The following NXPH1 variants were observed in gnomAD, a reference collection of about 807,000 sequenced individuals.
The protein encoded by NXPH1 is neurexophilin-1.
NXPH1 carries 5 observed loss-of-function variants against 23.7 expected under a neutral mutation model. That is an observed-to-expected ratio of 0.21 (90% CI 0.11 to 0.44). The LOEUF (loss-of-function observed/expected upper bound fraction) is 0.44. Among genes scored for constraint, NXPH1 ranks in the 20% least tolerant of loss-of-function variants. The probability of loss-of-function intolerance (pLI) is 0.99; values close to 1 mark genes in which losing one functional copy is unlikely to be tolerated. For missense variants in NXPH1, 324 were observed against 321.6 expected, an observed-to-expected ratio of 1.01 and a Z score of -0.06; for synonymous variants, 144 against 122.2, an observed-to-expected ratio of 1.18 and a Z score of -1.18.
At chr7:8,745,597 G>C (rs2115231523) in intron 2 of NXPH1, among the ~76,000 whole-genome samples, 1 of 152,238 alleles carries the variant, frequency 6.6e-6, no homozygotes, top group South Asian at 2.1e-4. Flanking sequence ...TCTGTCGCCA[G>C]GCTGGAGTGC....
At chr7:8,733,687 A>G (rs1388262539) in intron 2 of NXPH1, among the ~76,000 whole-genome samples, 1 of 152,008 alleles carries the variant, frequency 6.6e-6, no homozygotes, top group East Asian at 1.9e-4. Flanking sequence ...TTCTTTCGAG[A>G]AGTGTCTGTT....
In NXPH1 at chr7:8,710,640, G is replaced by GTTTTTTTTTTTTTTTTT. The variant is rs1368543367; in HGVS notation, c.55-40362_55-40361insTTTTTTTTTTTTTTTTT. Among the ~76,000 whole-genome samples, 2 of 27,672 alleles carry GTTTTTTTTTTTTTTTTT rather than the reference G, an allele frequency of 7.2e-5. 1 individual carries two copies. The highest frequency in any genetic ancestry group is 1.2e-4 in the Non-Finnish European group (2 of 16,372). The allele number at this position is 27,672 out of a possible 152,430, so 18.2% of individuals were successfully genotyped here. ...TTGAACAAAGCATGTCAACTGTTAC[G>GTTTTTTTTTTTTTTTTT]TTTTTTGTTTTTTTTTTTTTTTTTT... On this transcript the variant is annotated intron_variant, in intron 2 of 2. Transcript: ENST00000405863.
At chr7:8,580,574 T>C (rs1346661824) in intron 2 of NXPH1, among the ~76,000 whole-genome samples, 1 of 152,110 alleles carries the variant, frequency 6.6e-6, no homozygotes, top group African/African-American at 2.4e-5. Flanking sequence ...TATTTTTGAA[T>C]GTTTCAATGT....
Position 8,594,290 on chromosome 7 carries a change from T to G in NXPH1, c.55-156718T>G, listed in dbSNP as rs571357316. On this transcript the variant is annotated intron_variant, in intron 2 of 2. Transcript: ENST00000405863. Reference sequence around the variant, plus strand: ...AGAGGAAGTGTTTTGATATTTACCTTGGGTAGAAACATGAAAGGGCCGTTT... The same window carrying G: ...AGAGGAAGTGTTTTGATATTTACCTGGGGTAGAAACATGAAAGGGCCGTTT... Among the ~76,000 whole-genome samples, 442 of 152,196 alleles carry G rather than the reference T, an allele frequency of 2.9e-3. 3 individuals are homozygous for G. Among genetic ancestry groups the G allele is most frequent in the African/African-American group, 0.01 (429 of 41,550 alleles).
intron 2 of NXPH1, among the ~76,000 whole-genome samples, chr7:8,558,305 A>C (rs1475396662): frequency 6.6e-6 from 1 of 151,032 alleles, no homozygotes; most frequent in Admixed American, 6.6e-5. Flanking sequence ...GGAGGTGGGA[A>C]CTCCTGTGCA....
intron 2 of NXPH1, among the ~76,000 whole-genome samples, chr7:8,499,585 G>T (rs1237211630): frequency 6.6e-6 from 1 of 152,106 alleles, no homozygotes; most frequent in Non-Finnish European, 1.5e-5. Context: ...AAGTAAGTGA[G>T]TGTATGCAGC....
intron 2 of NXPH1, among the ~76,000 whole-genome samples, chr7:8,730,199 C>T (rs1230218658): frequency 2.7e-5 from 4 of 149,290 alleles, no homozygotes; most frequent in African/African-American, 9.9e-5. Context: ...CTTGGTAGAT[C>T]TGCCTCCATC....
chr7:8,703,581 G>A (rs924987538), intron 2 of NXPH1, among the ~76,000 whole-genome samples: 52 of 151,934 alleles, frequency 3.4e-4, no homozygotes, highest in African/African-American at 9.4e-4. Context: ...ATGCAGTGGC[G>A]CTCAATTAAA....
chr7:8,718,199 A>G (rs971290267), intron 2 of NXPH1, among the ~76,000 whole-genome samples: 2 of 152,166 alleles, frequency 1.3e-5, no homozygotes, highest in Admixed American at 1.3e-4. Context: ...AACATATTAT[A>G]TGTAAAGCAG....
rs1359447269 is a variant in NXPH1 at position 8,715,999 on chromosome 7, A to C, written c.55-35009A>C. 1.3e-5 allele frequency among the ~76,000 whole-genome samples: 2 copies of C among 152,156 alleles called. 1 individual carries two copies. The highest frequency in any genetic ancestry group is 1.3e-4 in the Admixed American group (2 of 15,274). ...TATATGAATATACATATATGTGTAC[A>C]TATATGTATATTTACAATGGTGGGT... is the stretch of plus-strand genomic sequence containing the variant. On this transcript the variant is annotated intron_variant, in intron 2 of 2. Coordinates refer to ENST00000405863, the MANE Select transcript of NXPH1 (RefSeq NM_152745.3).
In NXPH1 at chr7:8,524,269, A is replaced by T. The variant is rs147234522; in HGVS notation, c.54+88502A>T. Among the ~76,000 whole-genome samples, 439 of 150,208 alleles carry T rather than the reference A, an allele frequency of 2.9e-3. 11 individuals are homozygous for T. The East Asian group carries it at 0.056, about 19-fold the overall frequency. On this transcript the variant is annotated intron_variant, in intron 2 of 2. Transcript: ENST00000405863. Reference sequence around the variant, plus strand: ...AAAAAAAAAAAAAAAAAAAAAGGAAAGCTATTTTCATACTTGTGAATCCTT... The same window carrying T: ...AAAAAAAAAAAAAAAAAAAAAGGAATGCTATTTTCATACTTGTGAATCCTT...
intron 2 of NXPH1, among the ~76,000 whole-genome samples, chr7:8,749,712 A>T (rs565079781): frequency 1.3e-5 from 2 of 152,180 alleles, no homozygotes; most frequent in African/African-American, 2.4e-5. Context: ...ATATAAGTCT[A>T]TTGTGAAATG....
At chr7:8,540,683 A>G (rs1818101946) in intron 2 of NXPH1, among the ~76,000 whole-genome samples, 1 of 151,790 alleles carries the variant, frequency 6.6e-6, no homozygotes, top group Non-Finnish European at 1.5e-5. Context: ...TGGAATAATA[A>G]TTACCATGTA....
chr7:8,477,408 C>A (rs2128609324), intron 2 of NXPH1, among the ~76,000 whole-genome samples: 1 of 152,146 alleles, frequency 6.6e-6, no homozygotes, highest in South Asian at 2.1e-4. Flanking sequence ...AGTGGTCAAG[C>A]TGAGTTGTTA....
intron 2 of NXPH1, among the ~76,000 whole-genome samples, chr7:8,669,011 C>A (rs1285538910): frequency 6.6e-6 from 1 of 151,970 alleles, no homozygotes. Flanking sequence ...GAGTGCTGAC[C>A]TGGAGACTAG....
chr7:8,622,851 G>T (rs1021119366), intron 2 of NXPH1, among the ~76,000 whole-genome samples: 3 of 152,140 alleles, frequency 2.0e-5, no homozygotes, highest in Non-Finnish European at 4.4e-5. Context: ...ATTTTGAGGT[G>T]GGACATAACT....
At chr7:8,575,562 G>A (rs1415876815) in intron 2 of NXPH1, among the ~76,000 whole-genome samples, 1 of 152,152 alleles carries the variant, frequency 6.6e-6, no homozygotes, top group Non-Finnish European at 1.5e-5. Context: ...TTAAAAGTCT[G>A]CTGCTAACTT....
At chr7:8,690,433 G>T (rs535225022) in intron 2 of NXPH1, 1 of 152,214 alleles carries the variant, frequency 6.6e-6, no homozygotes, top group East Asian at 1.9e-4. Context: ...TGTTTTTAAA[G>T]ATATCTATGA....
intron 2 of NXPH1, among the ~76,000 whole-genome samples, chr7:8,596,035 A>C (rs1176401891): frequency 6.6e-6 from 1 of 152,116 alleles, no homozygotes; most frequent in Non-Finnish European, 1.5e-5. Flanking sequence ...TATGTCTATG[A>C]TGTACATGTC....
Sources: allele counts gnomAD v4.1 joint callset (sites outside exome capture counted in the v4.1 genomes callset), GRCh38; gene constraint gnomAD v4.1.1; transcripts MANE v1.5; gene names NCBI Gene and HGNC (gene_info 2026-07-23, HGNC 2026-07-21).